ATXN7L1: variants seen among roughly 807,000 people sequenced by gnomAD.
The protein encoded by ATXN7L1 is ataxin-7-like protein 1.
In ATXN7L1, 15 loss-of-function variants were observed where a neutral mutation model predicts 70.8. That is an observed-to-expected ratio of 0.21 (90% CI 0.14 to 0.33). ATXN7L1 has a LOEUF of 0.33. Among genes scored for constraint, ATXN7L1 ranks in the 10% least tolerant of loss-of-function variants. The pLI is 1.00. For missense variants in ATXN7L1, 975 were observed against 1,097.1 expected, an observed-to-expected ratio of 0.89 and a Z score of 1.57; for synonymous variants, 440 against 445.1, an observed-to-expected ratio of 0.99 and a Z score of 0.14.
rs529161439 is a variant in ATXN7L1 at position 105,726,273 on chromosome 7, C to T, written c.356-60985G>A. 8.5e-5 allele frequency among the ~76,000 whole-genome samples: 13 copies of T among 152,330 alleles called. No individual in the cohort carries two copies. In the South Asian group the frequency reaches 2.7e-3, roughly 32 times the overall value. ...TTCACACATCCATCCAAACTTCCAA[C>T]TATGTAGGAAATAATTCCAAGAGCA... On this transcript the variant is annotated intron_variant, in intron 3 of 11. Coordinates refer to ENST00000419735, the MANE Select transcript of ATXN7L1 (RefSeq NM_020725.2).
chr7:105,699,599 A>G (rs1584767956), intron 3 of ATXN7L1, among the ~76,000 whole-genome samples: 1 of 152,202 alleles, frequency 6.6e-6, no homozygotes, highest in Admixed American at 6.5e-5. Context: ...TAAGAAATGA[A>G]TTTTACAGTG....
At chr7:105,689,715 CAA>C (rs1790497881) in intron 3 of ATXN7L1, among the ~76,000 whole-genome samples, 2 of 152,212 alleles carry the variant, frequency 1.3e-5, no homozygotes, top group South Asian at 4.1e-4. Context: ...CAAATTAGAA[CAA>C]AGAGTCCCTT....
intron 4 of ATXN7L1, among the ~76,000 whole-genome samples, chr7:105,656,817 C>T (rs1056713090): frequency 2.0e-4 from 30 of 152,308 alleles, no homozygotes; most frequent in Admixed American, 9.2e-4. Context: ...GTGGTCCACC[C>T]GCCTCGGCCT....
chr7:105,813,289 G>A (rs1234559244), intron 2 of ATXN7L1, among the ~76,000 whole-genome samples: 1 of 151,912 alleles, frequency 6.6e-6, no homozygotes, highest in East Asian at 1.9e-4. Flanking sequence ...AACCCAGGTT[G>A]GCTCCTGGTG....
intron 3 of ATXN7L1, among the ~76,000 whole-genome samples, chr7:105,710,282 G>A (rs983004156): frequency 2.0e-5 from 3 of 152,160 alleles, no homozygotes; most frequent in African/African-American, 7.2e-5. Flanking sequence ...GGCTTAACAG[G>A]AAGCATGACT....
intron 2 of ATXN7L1, among the ~76,000 whole-genome samples, chr7:105,825,056 G>A (rs1235575205): frequency 6.6e-6 from 1 of 152,134 alleles, no homozygotes; most frequent in Non-Finnish European, 1.5e-5. Flanking sequence ...CACAAGACTG[G>A]CATCTCATAT....
At chr7:105,751,766 A>G (rs755866112) in intron 3 of ATXN7L1, among the ~76,000 whole-genome samples, 17 of 152,234 alleles carry the variant, frequency 1.1e-4, no homozygotes, top group Non-Finnish European at 2.1e-4. Context: ...AGACTTGAAG[A>G]CTACTCATCT....
chr7:105,685,920 C>T (rs1391069280), intron 3 of ATXN7L1, among the ~76,000 whole-genome samples: 1 of 152,162 alleles, frequency 6.6e-6, no homozygotes, highest in Non-Finnish European at 1.5e-5. Flanking sequence ...AAAGCATGGT[C>T]AGAGGTCACC....
chr7:105,785,428 T>C (rs1417244590), intron 3 of ATXN7L1, among the ~76,000 whole-genome samples: 2 of 151,970 alleles, frequency 1.3e-5, no homozygotes, highest in Admixed American at 6.6e-5. Flanking sequence ...ATTATACCAC[T>C]GCACTACAGT....
intron 3 of ATXN7L1, among the ~76,000 whole-genome samples, chr7:105,754,216 G>A (rs1799531189): frequency 6.6e-6 from 1 of 152,102 alleles, no homozygotes; most frequent in Non-Finnish European, 1.5e-5. Flanking sequence ...TCGACCCTGG[G>A]CTTCAGACGG....
chr7:105,747,765 G>A (rs1798744603), intron 3 of ATXN7L1, among the ~76,000 whole-genome samples: 1 of 152,172 alleles, frequency 6.6e-6, no homozygotes, highest in South Asian at 2.1e-4. Flanking sequence ...TCCAGCTGGT[G>A]TCCACTGTGG....
At position 105,638,372 on chromosome 7, in the gene ATXN7L1, G is replaced by A. The variant is rs1797689735; in HGVS notation, c.1183C>T (p.Pro395Ser). 1 of 1,551,918 alleles carries A rather than the reference G, an allele frequency of 6.4e-7. No individual in the cohort carries two copies. The highest frequency in any genetic ancestry group is 1.2e-5 in the South Asian group (1 of 84,062). ...ACTTACCTAGGAAGTACAGAGTTGG[G>A]TGGTCTGGATTTTGCAGGGGATGCA... ...KVASPAKSRP[P>S]NSVLPRPSSA... The change falls in exon 7 of 12, where the codon CCC becomes TCC. Residue 395 changes from proline to serine, a missense_variant. Pro to Ser is a moderately conservative substitution (Grantham distance 74). Coordinates refer to ENST00000419735, the MANE Select transcript of ATXN7L1 (RefSeq NM_020725.2).
At chr7:105,665,391 T>G (rs1241067743) in intron 3 of ATXN7L1, 103 bp from the exon 4 acceptor site, 2 of 920,854 alleles carry the variant, frequency 2.2e-6, no homozygotes, top group Non-Finnish European at 3.4e-6. Flanking sequence ...GAGAAGCGCT[T>G]TCCCTACAGC....
intron 2 of ATXN7L1, among the ~76,000 whole-genome samples, chr7:105,842,196 GTTTTT>G (rs11345494): frequency 6.7e-6 from 1 of 148,564 alleles, no homozygotes; most frequent in Non-Finnish European, 1.5e-5. Flanking sequence ...AAGTAGAAGG[GTTTTT>G]TTTTTTTGAA....
chr7:105,861,345 G>A (rs1816606899), intron 2 of ATXN7L1, among the ~76,000 whole-genome samples: 1 of 152,070 alleles, frequency 6.6e-6, no homozygotes, highest in African/African-American at 2.4e-5. Context: ...GGAAGATACA[G>A]ACAGGAAGAC....
At chr7:105,709,566 G>A (rs544353163) in intron 3 of ATXN7L1, among the ~76,000 whole-genome samples, 2 of 152,146 alleles carry the variant, frequency 1.3e-5, no homozygotes, top group East Asian at 3.9e-4. Flanking sequence ...AATCACCCCA[G>A]GGTTAGGTAC....
At chr7:105,834,330 C>T (rs1156734677) in intron 2 of ATXN7L1, among the ~76,000 whole-genome samples, 1 of 152,220 alleles carries the variant, frequency 6.6e-6, no homozygotes, top group Non-Finnish European at 1.5e-5. Context: ...ACGTGAGCCA[C>T]CACGCCTGGC....
intron 2 of ATXN7L1, among the ~76,000 whole-genome samples, chr7:105,818,486 G>A (rs1272222665): frequency 6.6e-6 from 1 of 150,852 alleles, no homozygotes. Context: ...TTTAGAACCA[G>A]TAAAACAGGC....
chr7:105,802,550 C>G (rs1806981322), intron 2 of ATXN7L1, among the ~76,000 whole-genome samples: 1 of 152,194 alleles, frequency 6.6e-6, no homozygotes, highest in Admixed American at 6.5e-5. Context: ...CCCAGCAAAT[C>G]CTACTATGCT....
Sources: allele counts gnomAD v4.1 joint callset (sites outside exome capture counted in the v4.1 genomes callset), GRCh38; gene constraint gnomAD v4.1.1; transcripts MANE v1.5; gene names NCBI Gene and HGNC (gene_info 2026-07-23, HGNC 2026-07-21).